CSMD2: variants seen among roughly 807,000 people sequenced by gnomAD.
CSMD2 encodes the protein CUB and Sushi multiple domains 2, also known as CUB and sushi domain-containing protein 2.
A neutral mutation model predicts 398.5 loss-of-function variants in CSMD2; 130 were observed. That is an observed-to-expected ratio of 0.33 (90% CI 0.28 to 0.38). The LOEUF is 0.38. Among genes scored for constraint, CSMD2 ranks in the 10% least tolerant of loss-of-function variants. The pLI is 1.00. For missense variants in CSMD2, 3,829 were observed against 4,764.9 expected, an observed-to-expected ratio of 0.80 and a Z score of 5.78; for synonymous variants, 1,828 against 1,908.5, an observed-to-expected ratio of 0.96 and a Z score of 1.10.
chr1:34,111,718 C>G (rs547140856), intron 1 of CSMD2, among the ~76,000 whole-genome samples: 18 of 152,320 alleles, frequency 1.2e-4, no homozygotes, highest in African/African-American at 3.8e-4. Flanking sequence ...ACAGGATTCT[C>G]TGACTCCTGA....
chr1:33,576,006 T>C (rs1430105482), intron 49 of CSMD2, among the ~76,000 whole-genome samples: 1 of 152,202 alleles, frequency 6.6e-6, no homozygotes, highest in South Asian at 2.1e-4. Flanking sequence ...GTGCCTAACG[T>C]TGAGACTGTG....
At chr1:33,568,487 T>G (rs1659283304) in intron 52 of CSMD2, among the ~76,000 whole-genome samples, 1 of 152,180 alleles carries the variant, frequency 6.6e-6, no homozygotes, top group Non-Finnish European at 1.5e-5. Flanking sequence ...ACACCTAGCC[T>G]GGGCATCTTG....
At chr1:33,701,157 G>A (rs1172826977) in intron 22 of CSMD2, among the ~76,000 whole-genome samples, 1 of 152,182 alleles carries the variant, frequency 6.6e-6, no homozygotes, top group African/African-American at 2.4e-5. Flanking sequence ...CACTGTGGCA[G>A]TAGCCTGTCT....
At chr1:33,568,768 C>A (rs1008559786) in intron 52 of CSMD2, among the ~76,000 whole-genome samples, 2 of 152,164 alleles carry the variant, frequency 1.3e-5, no homozygotes, top group African/African-American at 4.8e-5. Context: ...GGCAAGACAG[C>A]ACTGTTCACC....
intron 25 of CSMD2, among the ~76,000 whole-genome samples, chr1:33,667,801 G>A (rs904210712): frequency 1.6e-4 from 24 of 152,282 alleles, no homozygotes; most frequent in South Asian, 1.2e-3. Context: ...AGTTGGCAAC[G>A]GAAAGGACAG....
intron 1 of CSMD2, among the ~76,000 whole-genome samples, chr1:34,144,747 A>G (rs1639608148): frequency 6.6e-6 from 1 of 152,154 alleles, no homozygotes; most frequent in Admixed American, 6.5e-5. Flanking sequence ...GGGGGTGTTG[A>G]GGGTGTAGAG....
At chr1:33,671,454 C>T (rs572671875) in intron 25 of CSMD2, among the ~76,000 whole-genome samples, 20 of 152,156 alleles carry the variant, frequency 1.3e-4, no homozygotes, top group African/African-American at 4.1e-4. Flanking sequence ...GCTTGCTCTG[C>T]GGGGGCTGGA....
At chr1:33,890,553 T>C (rs1289872811) in intron 5 of CSMD2, among the ~76,000 whole-genome samples, 1 of 152,158 alleles carries the variant, frequency 6.6e-6, no homozygotes, top group Non-Finnish European at 1.5e-5. Flanking sequence ...TTAAATTTTT[T>C]TTTGTGGGCT....
intron 4 of CSMD2, among the ~76,000 whole-genome samples, chr1:33,920,614 A>G (rs904899952): frequency 6.8e-6 from 1 of 146,598 alleles, no homozygotes; most frequent in African/African-American, 2.5e-5. Flanking sequence ...GTGGCAGGGG[A>G]GGCAGGGCTT....
chr1:33,997,363 G>A (rs1046907163), intron 3 of CSMD2, among the ~76,000 whole-genome samples: 4 of 152,206 alleles, frequency 2.6e-5, no homozygotes, highest in Non-Finnish European at 4.4e-5. Context: ...GGGTGCCTGC[G>A]TGTCCTTAGT....
intron 1 of CSMD2, among the ~76,000 whole-genome samples, chr1:34,100,884 A>G (rs1659874762): frequency 6.6e-6 from 1 of 152,204 alleles, no homozygotes; most frequent in Non-Finnish European, 1.5e-5. Context: ...AACTGCCTCC[A>G]GCTTTGGTTT....
At chr1:34,003,455 C>T (rs567424749) in intron 3 of CSMD2, among the ~76,000 whole-genome samples, 198 of 152,314 alleles carry the variant, frequency 1.3e-3, no homozygotes, top group Middle Eastern at 3.4e-3. Flanking sequence ...CTGCATCCAT[C>T]ATGCCCAGAC....
Position 33,515,951 on chromosome 1 carries a change from T to C in CSMD2, c.*673A>G, listed in dbSNP as rs932430460. 1.3e-5 allele frequency: 2 copies of C among 152,178 alleles called. No homozygotes were observed. The highest frequency in any genetic ancestry group is 4.8e-5 in the African/African-American group (2 of 41,440). 9.4% of individuals were successfully genotyped at this position (152,178 alleles called of 1,614,324 possible). On this transcript the variant is annotated 3_prime_UTR_variant, in exon 71 of 71. Coordinates refer to ENST00000373381, the MANE Select transcript of CSMD2 (RefSeq NM_001281956.2). ...TGTTTGAAAAAAATAAAGAAACTGATTTTCAATCTATTTCCAAAGACTTTT... is the reference window on the plus strand; with the variant it reads ...TGTTTGAAAAAAATAAAGAAACTGACTTTCAATCTATTTCCAAAGACTTTT...
chr1:34,112,358 C>T (rs1661179222), intron 1 of CSMD2, among the ~76,000 whole-genome samples: 1 of 152,200 alleles, frequency 6.6e-6, no homozygotes, highest in African/African-American at 2.4e-5. Flanking sequence ...CTTCCCCAGT[C>T]TTGTCAGCTG....
At chr1:34,076,332 T>C (rs1656326706) in intron 2 of CSMD2, among the ~76,000 whole-genome samples, 1 of 152,260 alleles carries the variant, frequency 6.6e-6, no homozygotes, top group African/African-American at 2.4e-5. Context: ...AGGTATGTCT[T>C]ATGCTAAAGG....
chr1:33,807,517 T>C (rs546004518), intron 10 of CSMD2, among the ~76,000 whole-genome samples: 24 of 152,292 alleles, frequency 1.6e-4, no homozygotes, highest in Admixed American at 1.0e-3. Flanking sequence ...AGGACTGATA[T>C]ACAAGAAGGA....
intron 28 of CSMD2, among the ~76,000 whole-genome samples, chr1:33,647,252 T>C (rs530919904): frequency 6.6e-6 from 1 of 152,174 alleles, no homozygotes; most frequent in African/African-American, 2.4e-5. Context: ...ATGAGCCAAC[T>C]ATGGTGCCAT....
intron 21 of CSMD2, among the ~76,000 whole-genome samples, chr1:33,712,862 G>T (rs2149164356): frequency 6.6e-6 from 1 of 152,296 alleles, no homozygotes; most frequent in Middle Eastern, 3.4e-3. Context: ...GGATGCCTTT[G>T]GGGATGGTTA....
intron 3 of CSMD2, among the ~76,000 whole-genome samples, chr1:33,958,944 C>T (rs1298562501): frequency 6.6e-6 from 1 of 152,210 alleles, no homozygotes; most frequent in Admixed American, 6.5e-5. Flanking sequence ...TATGATACCC[C>T]TCTGCCCACA....
Sources: gnomAD v4.1 joint callset for allele counts (sites outside exome capture counted in the v4.1 genomes callset) on GRCh38, gnomAD v4.1.1 for gene constraint, MANE v1.5 for transcripts, NCBI Gene and HGNC (gene_info 2026-07-23, HGNC 2026-07-21) for gene names.